The following DNM3 variants were observed in gnomAD, a reference collection of about 807,000 sequenced individuals.
DNM3 encodes dynamin-3.
Under a neutral mutation model 101.6 loss-of-function variants are expected in DNM3, and 47 were observed. The observed-to-expected ratio is 0.46, with a 90% CI of 0.37 to 0.59. DNM3 has a LOEUF of 0.59. Among genes scored for constraint, DNM3 ranks in the 20% least tolerant of loss-of-function variants. The pLI is 0.00. For missense variants in DNM3, 849 were observed against 1,085.7 expected (o/e 0.78, Z 3.06); for synonymous variants, 385 against 387.9 (o/e 0.99, Z 0.09).
intron 1 of DNM3, among the ~76,000 whole-genome samples, chr1:171,907,476 A>G (rs2038928669): frequency 6.6e-6 from 1 of 151,670 alleles, no homozygotes; most frequent in Non-Finnish European, 1.5e-5. Flanking sequence ...GGGCAGCAAG[A>G]GTGAGACTCC....
At chr1:172,414,531 A>G (rs1270483937), downstream of DNM3, among the ~76,000 whole-genome samples, 1 of 152,244 alleles carries the variant, frequency 6.6e-6, no homozygotes, top group Non-Finnish European at 1.5e-5. Context: ...ACCATAGAAC[A>G]TCTCACAGAT....
chr1:172,281,231 G>A (rs186357784), intron 15 of DNM3, among the ~76,000 whole-genome samples: 1 of 152,226 alleles, frequency 6.6e-6, no homozygotes, highest in African/African-American at 2.4e-5. Context: ...ATGAAATACA[G>A]AGTGGATTGA....
At chr1:171,852,925 T>A (rs1272833931) in intron 1 of DNM3, among the ~76,000 whole-genome samples, 2 of 152,114 alleles carry the variant, frequency 1.3e-5, no homozygotes, top group East Asian at 3.8e-4. Flanking sequence ...CAGTCTACGA[T>A]TTGGCTTGAT....
At chr1:172,078,718 C>T (rs1452231153) in intron 11 of DNM3, among the ~76,000 whole-genome samples, 3 of 152,160 alleles carry the variant, frequency 2.0e-5, no homozygotes, top group Admixed American at 6.5e-5. Context: ...TTTATAGTGT[C>T]GATTTTTTTT....
chr1:171,936,852 C>T (rs2041460430), intron 2 of DNM3, among the ~76,000 whole-genome samples: 1 of 23,630 alleles, frequency 4.2e-5, no homozygotes, highest in African/African-American at 1.3e-4. Context: ...TGTTTGGAGG[C>T]ACCAAGTAAG....
chr1:172,342,048 C>T (rs1475825984), intron 17 of DNM3, among the ~76,000 whole-genome samples: 1 of 151,732 alleles, frequency 6.6e-6, no homozygotes, highest in African/African-American at 2.4e-5. Context: ...AAATCAAAAC[C>T]AAAATGAGAT....
At chr1:171,974,803 T>C (rs1490619309) in intron 2 of DNM3, among the ~76,000 whole-genome samples, 1 of 148,762 alleles carries the variant, frequency 6.7e-6, no homozygotes, top group Non-Finnish European at 1.5e-5. Context: ...GTTTTCTTCA[T>C]ACTAAGGACA....
intron 16 of DNM3, chr1:172,309,650 G>T (rs999561171): frequency 6.6e-6 from 1 of 152,172 alleles, no homozygotes; most frequent in African/African-American, 2.4e-5. Context: ...AACTCCTGAG[G>T]TGCCTACTTG....
chr1:172,071,944 A>T (rs956546288), intron 11 of DNM3, among the ~76,000 whole-genome samples: 8 of 152,200 alleles, frequency 5.3e-5, no homozygotes, highest in African/African-American at 1.9e-4. Context: ...CTTTTCCTAG[A>T]GTGAACACAG....
chr1:171,862,713 G>T (rs963422948), intron 1 of DNM3, among the ~76,000 whole-genome samples: 16 of 152,014 alleles, frequency 1.1e-4, no homozygotes, highest in African/African-American at 3.9e-4. Flanking sequence ...ACTTCCAAAG[G>T]GTGACTTTTA....
intron 1 of DNM3, among the ~76,000 whole-genome samples, chr1:171,869,275 G>A (rs2035054856): frequency 6.6e-6 from 1 of 152,160 alleles, no homozygotes; most frequent in Admixed American, 6.5e-5. Context: ...CCCAGGCACT[G>A]TTTCCTTTGC....
intron 14 of DNM3, among the ~76,000 whole-genome samples, chr1:172,180,219 G>A (rs375349167): frequency 1.3e-5 from 2 of 151,960 alleles, no homozygotes; most frequent in Admixed American, 6.6e-5. Context: ...TATGTATTTC[G>A]GTTTTTCAAT....
At chr1:172,036,024 C>A (rs1166880374) in intron 6 of DNM3, among the ~76,000 whole-genome samples, 1 of 148,724 alleles carries the variant, frequency 6.7e-6, no homozygotes, top group African/African-American at 2.5e-5. Flanking sequence ...TATTATTATA[C>A]TTTAAGTTTT....
At chr1:172,015,957 C>A (rs1572095615) in intron 4 of DNM3, among the ~76,000 whole-genome samples, 1 of 151,738 alleles carries the variant, frequency 6.6e-6, no homozygotes, top group Non-Finnish European at 1.5e-5. Flanking sequence ...GGGTGGATCA[C>A]CTGAGGTCAG....
rs1434771028 is a variant in DNM3 at position 171,985,411 on chromosome 1, G to C, written c.236-2245G>C. Reference sequence around the variant, plus strand: ...GCTTTGAATGGGTAATAAAATAAAGGCTCTATCTTCTGGGAATTTATATTC... The same window carrying C: ...GCTTTGAATGGGTAATAAAATAAAGCCTCTATCTTCTGGGAATTTATATTC... On this transcript the variant is annotated intron_variant, in intron 2 of 20. Transcript: ENST00000627582. 1.4e-4 allele frequency among the ~76,000 whole-genome samples: 21 copies of C among 152,132 alleles called. 1 individual carries two copies. Among genetic ancestry groups the C allele is most frequent in the Admixed American group, 1.4e-3 (21 of 15,258 alleles).
chr1:172,335,850 T>C lies in DNM3; in HGVS notation c.1893+12510T>C, dbSNP rs9425289. ...ATTACTTTTTGGGTACTATGCTCAG[T>C]ACCTGGGTGACAGGATCATTTGGAC... On this transcript the variant is annotated intron_variant, in intron 17 of 20. Transcript: ENST00000627582. Among the ~76,000 whole-genome samples, 485 of 152,110 alleles carry C rather than the reference T, an allele frequency of 3.2e-3. 2 individuals are homozygous for C. The highest frequency in any genetic ancestry group is 0.011 in the African/African-American group (460 of 41,490).
intron 17 of DNM3, chr1:172,370,392 AT>A: frequency 6.6e-6 from 1 of 152,084 alleles, no homozygotes; most frequent in East Asian, 1.9e-4. Context: ...ACTAAGTTTT[AT>A]TTTGGTATTG....
intron 16 of DNM3, among the ~76,000 whole-genome samples, chr1:172,322,437 G>T (rs775041673): frequency 3.3e-5 from 5 of 152,158 alleles, no homozygotes; most frequent in Admixed American, 6.5e-5. Context: ...GGGCTGCCCC[G>T]GGAGTAATGA....
At chr1:171,873,765 G>A (rs998475028) in intron 1 of DNM3, among the ~76,000 whole-genome samples, 4 of 152,124 alleles carry the variant, frequency 2.6e-5, no homozygotes, top group Non-Finnish European at 4.4e-5. Flanking sequence ...CGTTCTCCAC[G>A]AAGTAAGAAA....
Sources: gnomAD v4.1 joint callset for allele counts (sites outside exome capture counted in the v4.1 genomes callset) on GRCh38, gnomAD v4.1.1 for gene constraint, MANE v1.5 for transcripts, NCBI Gene and HGNC (gene_info 2026-07-23, HGNC 2026-07-21) for gene names.